ZNF442: variants seen among roughly 807,000 people sequenced by gnomAD.
The protein encoded by ZNF442 is zinc finger protein 442.
ZNF442 carries 45 observed loss-of-function variants against 57.0 expected under a neutral mutation model. That is an observed-to-expected ratio of 0.79 (90% CI 0.62 to 1.01). The LOEUF is 1.01. Among genes scored for constraint, ZNF442 ranks in the 50% least tolerant of loss-of-function variants. The pLI, the probability that ZNF442 is intolerant of heterozygous loss-of-function variation, is 0.00. For missense variants in ZNF442, 690 were observed against 756.5 expected, an observed-to-expected ratio of 0.91 and a Z score of 1.03; for synonymous variants, 213 against 241.8, an observed-to-expected ratio of 0.88 and a Z score of 1.10.
intron 3 of ZNF442, among the ~76,000 whole-genome samples, chr19:12,355,302 A>AG (rs1465064979): frequency 6.6e-6 from 1 of 151,296 alleles, no homozygotes; most frequent in East Asian, 2.0e-4. Context: ...AAAAAAAAAA[A>AG]AAAAGAAAGA....
At chr19:12,362,553 G>C (rs1045868938) in intron 3 of ZNF442, among the ~76,000 whole-genome samples, 2 of 150,838 alleles carry the variant, frequency 1.3e-5, no homozygotes, top group East Asian at 3.9e-4. Flanking sequence ...GTGGGGGACA[G>C]CTCCCGCCCG....
At position 12,353,125 on chromosome 19, in the gene ZNF442, C is replaced by T. The variant is rs1465201130; in HGVS notation, c.79-11G>A. 6 of 1,604,158 alleles carry T rather than the reference C, an allele frequency of 3.7e-6. No individual in the cohort carries two copies. The highest frequency in any genetic ancestry group is 5.1e-6 in the Non-Finnish European group (6 of 1,177,144). ...AAAGGCTACTGAATCCTGAAACACCCCACATGTACAAAGGAGTAAGGCTGA... is the reference window on the plus strand; with the variant it reads ...AAAGGCTACTGAATCCTGAAACACCTCACATGTACAAAGGAGTAAGGCTGA... On this transcript the variant is annotated splice_polypyrimidine_tract_variant and intron_variant, in intron 3 of 5. Transcript: ENST00000242804.
intron 2 of ZNF442, among the ~76,000 whole-genome samples, chr19:12,364,571 A>T (rs979795069): frequency 6.6e-6 from 1 of 152,054 alleles, no homozygotes; most frequent in South Asian, 2.1e-4. Flanking sequence ...TAGCCTGCGT[A>T]AGGCTCTGGA....
intron 3 of ZNF442, 21 bp from the exon 4 acceptor site, chr19:12,353,135 AAAG>A (rs1969272809): frequency 6.3e-7 from 1 of 1,598,604 alleles, no homozygotes; most frequent in Non-Finnish European, 8.5e-7. Flanking sequence ...CCACATGTAC[AAAG>A]GAGTAAGGCT....
the ZNF442 span, chr19:12,373,595 G>C: frequency 2.1e-4 from 45 of 215,370 alleles, 2 homozygotes; most frequent in South Asian, 3.1e-3. Context: ...GTCACCAGCT[G>C]TACTGGAGAC....
the ZNF442 span, among the ~76,000 whole-genome samples, chr19:12,373,021 C>T: frequency 6.6e-6 from 1 of 152,206 alleles, no homozygotes; most frequent in Admixed American, 6.5e-5. Flanking sequence ...ATCTGCCCGC[C>T]TTGGCCTCCC....
rs911192564 is a variant in ZNF442, at chr19:12,362,518, G to A, written c.78+1036C>T. ...CGTCTGGGAAGTGAGGAATGTCTCC[G>A]CCCGGCAGCCGCCCCCTCCAGGAGG... On this transcript the variant is annotated intron_variant, in intron 3 of 5. Transcript: ENST00000242804. 2.6e-5 allele frequency among the ~76,000 whole-genome samples: 4 copies of A among 150,962 alleles called. No individual in the cohort carries two copies. The East Asian group carries it at 7.9e-4, about 30-fold the overall frequency.
rs774387709 is a variant in ZNF442 at position 12,350,066 on chromosome 19, T to C, written c.1519A>G (p.Arg507Gly). 6.2e-7 allele frequency: 1 copy of C among 1,614,004 alleles called. No homozygotes were observed. The highest frequency in any genetic ancestry group is 8.5e-7 in the Non-Finnish European group (1 of 1,179,994). Residue 507 changes from arginine to glycine, a missense_variant, in exon 6 of 6, where the codon AGA becomes GGA. Transcript: ENST00000242804. Reference protein sequence around the residue: ...FSCFTYLSQHRRTHMAEKPYE... With the variant: ...FSCFTYLSQHGRTHMAEKPYE... Reference sequence around the variant, plus strand: ...GGTTTTTCAGCCATGTGAGTCCTTCTATGTTGAGAAAGGTATGTGAAACAA... The same window carrying C: ...GGTTTTTCAGCCATGTGAGTCCTTCCATGTTGAGAAAGGTATGTGAAACAA...
At position 12,349,549 on chromosome 19, in the gene ZNF442, G is replaced by C; in HGVS notation, c.*152C>G. 1.3e-6 allele frequency: 1 copy of C among 761,016 alleles called. No individual in the cohort carries two copies. Among genetic ancestry groups the C allele is most frequent in the South Asian group, 2.1e-5 (1 of 47,998 alleles). The allele number at this position is 761,016 out of a possible 1,614,324, so 47.1% of individuals were successfully genotyped here. On this transcript the variant is annotated 3_prime_UTR_variant, in exon 6 of 6. Coordinates refer to ENST00000242804, the MANE Select transcript of ZNF442 (RefSeq NM_030824.3). ...GATTTAGGTATGCTTAGGGGGTCTG[G>C]AACCAATCCCCTGCATATGGTTAGG...
chr19:12,373,187 C>T, the ZNF442 span, among the ~76,000 whole-genome samples: 258 of 152,292 alleles, frequency 1.7e-3, no homozygotes, highest in African/African-American at 5.9e-3. Context: ...GTGACACTTA[C>T]GTCAATTGAC....
chr19:12,362,448 C>A (rs1294566492), intron 3 of ZNF442, among the ~76,000 whole-genome samples: 6 of 151,546 alleles, frequency 4.0e-5, no homozygotes, highest in African/African-American at 1.5e-4. Context: ...TCTGCCCGGC[C>A]GCCCCGTCTG....
intron 3 of ZNF442, among the ~76,000 whole-genome samples, chr19:12,361,618 G>C (rs903364280): frequency 6.7e-6 from 1 of 149,372 alleles, no homozygotes; most frequent in African/African-American, 2.5e-5. Context: ...GACAGACTGG[G>C]GGAAAAAAAA....
rs558926072 is a variant in ZNF442 at position 12,351,026 on chromosome 19, C to T, written c.559G>A (p.Gly187Arg). ...TTTCCCGAAGAACTGAAGGTTTTCC[C>T]ACATTCCTTACAATCATAGCGTTTC... ...GKKRYDCKECGKTFSSSGNLR... is the reference protein window; with the variant it reads ...GKKRYDCKECRKTFSSSGNLR... The change falls in exon 6 of 6, where the codon GGG becomes AGG. Residue 187 changes from glycine (G) to arginine (R), a missense_variant. By Grantham distance (125) the Gly-to-Arg change is moderately radical. Transcript: ENST00000242804. 1 of 1,613,998 alleles carries T rather than the reference C, an allele frequency of 6.2e-7. No homozygotes were observed. Among genetic ancestry groups the T allele is most frequent in the East Asian group, 2.2e-5 (1 of 44,880 alleles).
intron 3 of ZNF442, among the ~76,000 whole-genome samples, chr19:12,360,248 GATTT>G (rs746110752): frequency 1.2e-4 from 19 of 152,190 alleles, no homozygotes; most frequent in Admixed American, 6.5e-4. Flanking sequence ...GCTAAATGCA[GATTT>G]ATTTTAATTG....
In ZNF442 at chr19:12,350,531, T is replaced by G; in HGVS notation, c.1054A>C (p.Lys352Gln). The change falls in exon 6 of 6, where the codon AAG becomes CAG. Residue 352 changes from lysine (K) to glutamine (Q), a missense_variant. Transcript: ENST00000242804. ...CAATCAAAGCCTTTCCCACATATCT[T>G]ACATTTATGAGGTCCATCTCCAGTG... is the stretch of plus-strand genomic sequence containing the variant. ...RHTGDGPHKCKICGKGFDCPS... is the reference protein window; with the variant it reads ...RHTGDGPHKCQICGKGFDCPS... The G allele has an allele frequency of 6.2e-7, 1 of 1,614,106 alleles. No homozygotes were observed. The highest frequency in any genetic ancestry group is 8.5e-7 in the Non-Finnish European group (1 of 1,180,006).
chr19:12,350,025 T>A lies in ZNF442; in HGVS notation c.1560A>T (p.Thr520=). 6.2e-7 allele frequency: 1 copy of A among 1,614,164 alleles called. No individual in the cohort carries two copies. Among genetic ancestry groups the A allele is most frequent in the East Asian group, 2.2e-5 (1 of 44,862 alleles). The change falls in exon 6 of 6, where the codon ACA becomes ACT. Residue 520 remains threonine (T), a synonymous_variant. Transcript: ENST00000242804. ...CAAAATGACTGAAGGCTTTCTTACA[T>A]GTTTTACATTCATAAGGTTTTTCAG... ...HMAEKPYECK[T]CKKAFSHFGN... is the part of the protein sequence containing the mutation.
upstream of ZNF442, among the ~76,000 whole-genome samples, chr19:12,368,891 G>A (rs1969559316): frequency 6.6e-6 from 1 of 152,176 alleles, no homozygotes; most frequent in Non-Finnish European, 1.5e-5. Flanking sequence ...ATTTAGGGAT[G>A]AGGGAGCTCA....
At chr19:12,360,733 C>T (rs563136267) in intron 3 of ZNF442, among the ~76,000 whole-genome samples, 20 of 152,106 alleles carry the variant, frequency 1.3e-4, no homozygotes, top group South Asian at 4.2e-4. Context: ...TGGGCCACCA[C>T]GCCCGTGGTG....
intron 3 of ZNF442, among the ~76,000 whole-genome samples, chr19:12,353,668 T>C (rs1470863297): frequency 1.3e-5 from 2 of 152,170 alleles, no homozygotes; most frequent in African/African-American, 4.8e-5. Context: ...AGTGGGAGCA[T>C]AGCTGATCAG....
Sources: gnomAD v4.1 joint callset for allele counts (sites outside exome capture counted in the v4.1 genomes callset) on GRCh38, gnomAD v4.1.1 for gene constraint, MANE v1.5 for transcripts, NCBI Gene and HGNC (gene_info 2026-07-23, HGNC 2026-07-21) for gene names.